MCM6: variants seen among roughly 807,000 people sequenced by gnomAD.
MCM6 encodes the protein DNA replication licensing factor MCM6.
In MCM6, 46 loss-of-function variants were observed where a neutral mutation model predicts 94.3. The observed-to-expected ratio is 0.49, with a 90% confidence interval of 0.39 to 0.62. The LOEUF (loss-of-function observed/expected upper bound fraction) is 0.62. Among genes scored for constraint, MCM6 ranks in the 20% least tolerant of loss-of-function variants. The pLI, the probability that MCM6 is intolerant of heterozygous loss-of-function variation, is 0.00. For missense variants in MCM6, 865 were observed against 1,017.9 expected (o/e 0.85, Z 2.04); for synonymous variants, 335 against 351.9 (o/e 0.95, Z 0.54).
intron 11 of MCM6, among the ~76,000 whole-genome samples, chr2:135,854,881 G>A (rs949966873): frequency 9.2e-5 from 14 of 151,796 alleles, no homozygotes; most frequent in African/African-American, 2.2e-4. Context: ...CAAGCCGGGC[G>A]CGGTGGCTCA....
chr2:135,856,989 T>A, intron 10 of MCM6, 106 bp from the exon 11 acceptor site: 4 of 964,266 alleles, frequency 4.1e-6, no homozygotes, highest in Non-Finnish European at 6.1e-6. Context: ...CAAACCAAAA[T>A]AATGACATAC....
chr2:135,861,059 GA>G (rs1011143337), intron 8 of MCM6, among the ~76,000 whole-genome samples: 9 of 145,176 alleles, frequency 6.2e-5, no homozygotes, highest in Admixed American at 4.1e-4. Context: ...AGAATGACAA[GA>G]AAAAAAAAAG....
intron 8 of MCM6, among the ~76,000 whole-genome samples, chr2:135,859,666 A>C (rs761035318): frequency 4.6e-5 from 7 of 151,370 alleles, no homozygotes; most frequent in Non-Finnish European, 7.4e-5. Context: ...GCAGTGTCAC[A>C]ATCTCAGCTC....
rs113363035 is a variant in MCM6 at position 135,857,838 on chromosome 2, A to C, written c.1470+59T>G. 11 of 1,387,712 alleles carry C rather than the reference A, an allele frequency of 7.9e-6. No homozygotes were observed. The Admixed American group carries it at 1.2e-4, about 15-fold the overall frequency. 86.0% of individuals were successfully genotyped at this position (1,387,712 alleles called of 1,614,324 possible). On this transcript the variant is annotated intron_variant, in intron 10 of 16. Transcript: ENST00000264156. ...TTTTATCCAGGTGAACTTCTCTAGT[A>C]CTACATTAATCAACAAGGCTATGGA...
chr2:135,874,270 G>A (rs537141844), intron 1 of MCM6, among the ~76,000 whole-genome samples: 1 of 152,222 alleles, frequency 6.6e-6, no homozygotes, highest in Non-Finnish European at 1.5e-5. Context: ...AGACTAAGTA[G>A]CTAGGAGGTA....
intron 2 of MCM6, among the ~76,000 whole-genome samples, chr2:135,872,305 G>A (rs953653578): frequency 4.6e-5 from 7 of 152,076 alleles, no homozygotes; most frequent in South Asian, 2.1e-4. Context: ...ATAATTAGCC[G>A]GGCGTGATGG....
chr2:135,848,207 A>G lies in MCM6; in HGVS notation c.1918-19T>C. ...GTTGGACCTAAACCAATAATGATGA[A>G]GTAATTAAGCTACTTTTTTTGATAT... On this transcript the variant is annotated intron_variant, in intron 13 of 16. Transcript: ENST00000264156. The G allele has an allele frequency of 1.3e-6, 2 of 1,579,012 alleles. No individual in the cohort carries two copies. Among genetic ancestry groups the G allele is most frequent in the Non-Finnish European group, 1.7e-6 (2 of 1,151,570 alleles).
chr2:135,842,641 A>C (rs1213158249), intron 16 of MCM6, among the ~76,000 whole-genome samples: 6 of 152,242 alleles, frequency 3.9e-5, no homozygotes, highest in African/African-American at 1.4e-4. Flanking sequence ...CAAGAGCAGA[A>C]GGCTACTATT....
chr2:135,866,752 C>T (rs1680102067), intron 4 of MCM6, 24 bp from the exon 5 acceptor site: 1 of 1,570,252 alleles, frequency 6.4e-7, no homozygotes, highest in East Asian at 2.2e-5. Context: ...AAACAACCAA[C>T]CAAGAATGAG....
intron 9 of MCM6, among the ~76,000 whole-genome samples, chr2:135,859,011 C>T (rs1231707272): frequency 1.3e-5 from 2 of 152,120 alleles, no homozygotes; most frequent in Admixed American, 6.5e-5. Context: ...CCACCTCAGC[C>T]TCTTGAGTAG....
Position 135,876,246 on chromosome 2 carries a change from C to T in MCM6, c.107+13G>A. ...CCGGAGGCGGGCGAGGCCCGGGGCG[C>T]TCGCCGACTTACTCCTCCAAGAAGT... On this transcript the variant is annotated intron_variant, in intron 1 of 16. Coordinates refer to ENST00000264156, the MANE Select transcript of MCM6 (RefSeq NM_005915.6). 2 of 1,584,560 alleles carry T rather than the reference C, an allele frequency of 1.3e-6. No homozygotes were observed. The highest frequency in any genetic ancestry group is 1.7e-6 in the Non-Finnish European group (2 of 1,169,966).
At position 135,844,697 on chromosome 2, in the gene MCM6, AAC is replaced by A. The variant is rs772066674; in HGVS notation, c.2210-15_2210-14del. ...GACTCGTCCTCTTCTGCAACAAAAA[AAC>A]ACATTCAAATTATCCTAGCAACTCG... On this transcript the variant is annotated splice_polypyrimidine_tract_variant and intron_variant, in intron 15 of 16. Coordinates refer to ENST00000264156, the MANE Select transcript of MCM6 (RefSeq NM_005915.6). 3 of 1,529,780 alleles carry A rather than the reference AAC, an allele frequency of 2.0e-6. No individual in the cohort carries two copies. Among genetic ancestry groups the A allele is most frequent in the Non-Finnish European group, 2.6e-6 (3 of 1,146,692 alleles). 94.8% of individuals were successfully genotyped at this position (1,529,780 alleles called of 1,614,324 possible).
intron 15 of MCM6, 118 bp from the exon 16 acceptor site, chr2:135,844,802 G>A (rs190949347): frequency 6.6e-6 from 7 of 1,062,396 alleles, no homozygotes; most frequent in Middle Eastern, 2.9e-4. Context: ...CAAGCCGTCC[G>A]AAAGTACATC....
rs1456893606 is a variant in MCM6 at position 135,839,868 on chromosome 2, TATTA to T, written c.*963_*966del. The T allele has an allele frequency of 6.6e-6, 1 of 152,208 alleles. No individual in the cohort carries two copies. The highest frequency in any genetic ancestry group is 1.5e-5 in the Non-Finnish European group (1 of 68,040). The allele number at this position is 152,208 out of a possible 1,614,324, so 9.4% of individuals were successfully genotyped here. ...TCAAGGCAAGTTGAGTACTCATGGG[TATTA>T]GACTGTCCCACGTGGGCCTTAGCCT... On this transcript the variant is annotated 3_prime_UTR_variant, in exon 17 of 17. Transcript: ENST00000264156.
At chr2:135,873,143 TAAA>T (rs1235591356) in intron 1 of MCM6, among the ~76,000 whole-genome samples, 3 of 152,192 alleles carry the variant, frequency 2.0e-5, no homozygotes, top group South Asian at 4.1e-4. Context: ...CTGATGGTTT[TAAA>T]AAGAGGAGTT....
chr2:135,852,880 A>G lies in MCM6; in HGVS notation c.1662T>C (p.Asp554=). The G allele has an allele frequency of 6.2e-7, 1 of 1,611,336 alleles. No homozygotes were observed. The change falls in exon 12 of 17, where the codon GAT becomes GAC. Residue 554 remains aspartate, a synonymous_variant. Transcript: ENST00000264156. The part of the protein sequence containing the change: ...TDYAIARRIV[D]LHSRIEESID... ...TTGATTCCTCAATTCTTGAATGCAA[A>G]TCTACTATGCGCCTGGCAATGGCAT...
At chr2:135,868,888 A>G in intron 3 of MCM6, 28 bp from the exon 4 acceptor site, 1 of 1,603,318 alleles carries the variant, frequency 6.2e-7, no homozygotes, top group Non-Finnish European at 8.5e-7. Context: ...TCCCATTAGT[A>G]AACATTCATC....
chr2:135,859,616 T>C (rs1419023414), intron 8 of MCM6, among the ~76,000 whole-genome samples, 174 bp from the exon 9 acceptor site: 1 of 152,084 alleles, frequency 6.6e-6, no homozygotes, highest in South Asian at 2.1e-4. Flanking sequence ...CTTTTCTTTT[T>C]TTTTTTTGAG....
chr2:135,872,641 C>G (rs917713120), intron 2 of MCM6, 56 bp downstream of exon 2: 1 of 1,559,540 alleles, frequency 6.4e-7, no homozygotes, highest in Non-Finnish European at 8.8e-7. Flanking sequence ...CCAAGAAGAG[C>G]TGGCTTCCCG....
Sources: gnomAD v4.1 joint callset for allele counts (sites outside exome capture counted in the v4.1 genomes callset) on GRCh38, gnomAD v4.1.1 for gene constraint, MANE v1.5 for transcripts, NCBI Gene and HGNC (gene_info 2026-07-23, HGNC 2026-07-21) for gene names.